Variants in BACH2 observed in about 807,000 individuals in gnomAD.
BACH2 encodes the protein BACH transcriptional regulator 2, also known as transcription regulator protein BACH2.
In BACH2, 5 loss-of-function variants were observed where a neutral mutation model predicts 61.8. That is an observed-to-expected ratio of 0.08 (90% CI 0.04 to 0.17). The LOEUF (loss-of-function observed/expected upper bound fraction) is 0.17, where lower values mean the gene tolerates loss of function less well. Among genes scored for constraint, BACH2 ranks in the 10% least tolerant of loss-of-function variants. The probability of loss-of-function intolerance (pLI) is 1.00; values close to 1 mark genes in which losing one functional copy is unlikely to be tolerated. For synonymous variants in BACH2, 446 were observed against 440.1 expected (o/e 1.01, Z -0.17); for missense variants, 824 against 1,091.1 (o/e 0.76, Z 3.45).
rs1248690601 is a variant in BACH2, at chr6:89,927,473, C to T, written c.*4935G>A. 6.5e-6 allele frequency: 1 copy of T among 152,826 alleles called. No homozygotes were observed. Among genetic ancestry groups the T allele is most frequent in the Non-Finnish European group, 1.5e-5 (1 of 68,046 alleles). The allele number at this position is 152,826 out of a possible 1,614,324, so 9.5% of individuals were successfully genotyped here. ...GGAGCACTTGGCACTGAATGTGAGTCTACCTGAAATGAATGGTCTTGGTGC... is the reference window on the plus strand; with the variant it reads ...GGAGCACTTGGCACTGAATGTGAGTTTACCTGAAATGAATGGTCTTGGTGC... On this transcript the variant is annotated 3_prime_UTR_variant, in exon 9 of 9. Transcript: ENST00000257749.
At chr6:90,098,069 C>T (rs780304479) in intron 4 of BACH2, among the ~76,000 whole-genome samples, 5 of 152,154 alleles carry the variant, frequency 3.3e-5, no homozygotes, top group Admixed American at 1.3e-4. Context: ...CAGCCTTCCA[C>T]GCCTCCTCCA....
intron 4 of BACH2, among the ~76,000 whole-genome samples, chr6:90,203,553 G>C (rs1769032197): frequency 6.6e-6 from 1 of 152,020 alleles, no homozygotes; most frequent in Admixed American, 6.6e-5. Context: ...GCACACCCTG[G>C]GAAAATATGT....
At chr6:90,181,328 G>T (rs966206717) in intron 4 of BACH2, among the ~76,000 whole-genome samples, 2 of 148,334 alleles carry the variant, frequency 1.3e-5, no homozygotes, top group East Asian at 2.0e-4. Flanking sequence ...CCCACTGTGT[G>T]GTGTGTGTGT....
intron 5 of BACH2, among the ~76,000 whole-genome samples, chr6:90,059,668 A>T (rs1161931219): frequency 6.6e-6 from 1 of 152,108 alleles, no homozygotes; most frequent in Non-Finnish European, 1.5e-5. Context: ...ATAAAGACAC[A>T]TGCACACGTA....
At chr6:90,064,883 T>G (rs1330379646) in intron 5 of BACH2, among the ~76,000 whole-genome samples, 1 of 152,180 alleles carries the variant, frequency 6.6e-6, no homozygotes, top group African/African-American at 2.4e-5. Context: ...ATATACTCCC[T>G]TCCTCCAAAA....
At chr6:90,092,170 G>A (rs1276011328) in intron 4 of BACH2, among the ~76,000 whole-genome samples, 5 of 151,236 alleles carry the variant, frequency 3.3e-5, no homozygotes, top group Admixed American at 3.3e-4. Context: ...AACTATCATT[G>A]CAAAGCTAAT....
intron 5 of BACH2, among the ~76,000 whole-genome samples, chr6:90,055,576 C>G (rs951976471): frequency 7.9e-5 from 12 of 151,148 alleles, no homozygotes; most frequent in Admixed American, 5.2e-4. Context: ...AGAACTTCCC[C>G]AATGTAGCAA....
chr6:90,148,687 TAC>T (rs140261274), intron 4 of BACH2, among the ~76,000 whole-genome samples: 4,383 of 151,358 alleles, frequency 0.029, 218 homozygotes, highest in African/African-American at 0.095. Flanking sequence ...GTGTCTGTTT[TAC>T]ACACACACAC....
rs915006137 is a variant in BACH2 at position 90,247,482 on chromosome 6, A to G, written c.-275+5031T>C. 4.6e-5 allele frequency among the ~76,000 whole-genome samples: 7 copies of G among 151,628 alleles called. No homozygotes were observed. The South Asian group carries it at 1.5e-3, about 32-fold the overall frequency. On this transcript the variant is annotated intron_variant, in intron 3 of 8. Transcript: ENST00000257749. ...GGCCTCAAGCAATCCTCCCACCTCAATCTCCCAAAGTGCTGGAATTGCAGG... is the reference window on the plus strand; with the variant it reads ...GGCCTCAAGCAATCCTCCCACCTCAGTCTCCCAAAGTGCTGGAATTGCAGG...
chr6:90,166,670 G>C (rs1360898602), intron 4 of BACH2, among the ~76,000 whole-genome samples: 1 of 152,080 alleles, frequency 6.6e-6, no homozygotes, highest in Admixed American at 6.5e-5. Flanking sequence ...GTCCAACAAC[G>C]ATAGACTGGA....
At chr6:90,009,664 TTC>T (rs1777601604) in intron 5 of BACH2, among the ~76,000 whole-genome samples, 1 of 152,228 alleles carries the variant, frequency 6.6e-6, no homozygotes, top group African/African-American at 2.4e-5. Flanking sequence ...ATTGAAATAT[TTC>T]TTTTTCTTTT....
At chr6:90,117,988 ATAAAG>A (rs1346792226) in intron 4 of BACH2, among the ~76,000 whole-genome samples, 1 of 152,160 alleles carries the variant, frequency 6.6e-6, no homozygotes, top group Non-Finnish European at 1.5e-5. Flanking sequence ...CATCTAACTT[ATAAAG>A]TATTCTGCAG....
At chr6:89,946,653 C>A (rs897003448) in intron 7 of BACH2, among the ~76,000 whole-genome samples, 4 of 152,128 alleles carry the variant, frequency 2.6e-5, no homozygotes, top group Non-Finnish European at 4.4e-5. Context: ...CCTACAGCCA[C>A]GTGCATGGTA....
intron 3 of BACH2, among the ~76,000 whole-genome samples, chr6:90,209,157 T>C (rs986041778): frequency 2.0e-5 from 3 of 152,230 alleles, no homozygotes; most frequent in Non-Finnish European, 4.4e-5. Context: ...ACCTATGTAA[T>C]AAACCTGAAT....
chr6:90,001,851 G>A (rs1777149093), intron 6 of BACH2, among the ~76,000 whole-genome samples: 1 of 152,140 alleles, frequency 6.6e-6, no homozygotes, highest in East Asian at 1.9e-4. Flanking sequence ...TCACCACAGA[G>A]TACAAACATG....
At chr6:89,976,483 T>A (rs916831187) in intron 6 of BACH2, among the ~76,000 whole-genome samples, 3 of 152,168 alleles carry the variant, frequency 2.0e-5, no homozygotes, top group African/African-American at 7.2e-5. Flanking sequence ...CAGCCGACAA[T>A]ATGCTGTGGC....
At chr6:90,149,480 A>G (rs1390659014) in intron 4 of BACH2, among the ~76,000 whole-genome samples, 1 of 152,210 alleles carries the variant, frequency 6.6e-6, no homozygotes, top group African/African-American at 2.4e-5. Context: ...TGAGAGAAAT[A>G]TCTCGATTCA....
chr6:90,239,578 T>C (rs985996913), intron 3 of BACH2, among the ~76,000 whole-genome samples: 3 of 152,210 alleles, frequency 2.0e-5, no homozygotes, highest in Non-Finnish European at 4.4e-5. Flanking sequence ...TATGTATGCA[T>C]GTACATGCTT....
chr6:90,222,799 A>C (rs1399638376), intron 3 of BACH2, among the ~76,000 whole-genome samples: 1 of 151,996 alleles, frequency 6.6e-6, no homozygotes, highest in African/African-American at 2.4e-5. Flanking sequence ...ATCTGCTCTT[A>C]GTCATCCTTA....
Sources: gnomAD v4.1 joint callset for allele counts (sites outside exome capture counted in the v4.1 genomes callset) on GRCh38, gnomAD v4.1.1 for gene constraint, MANE v1.5 for transcripts, NCBI Gene and HGNC (gene_info 2026-07-23, HGNC 2026-07-21) for gene names.